The following MFNG variants were observed in gnomAD, a reference collection of about 807,000 sequenced individuals.
The protein encoded by MFNG is MFNG O-fucosylpeptide 3-beta-N-acetylglucosaminyltransferase.
A neutral mutation model predicts 34.2 loss-of-function variants in MFNG; 24 were observed. That is an observed-to-expected ratio of 0.70 (90% confidence interval 0.51 to 0.99). MFNG has a LOEUF of 0.99. Ranked by LOEUF, MFNG falls within the 50% of genes least tolerant of loss-of-function variation. MFNG has a pLI of 0.00. For missense variants in MFNG, 383 were observed against 424.0 expected, an observed-to-expected ratio of 0.90 and a Z score of 0.85; for synonymous variants, 158 against 179.2, an observed-to-expected ratio of 0.88 and a Z score of 0.94.
Position 37,482,205 on chromosome 22 carries a change from T to C in MFNG, c.256-1436A>G, listed in dbSNP as rs761082031. Among the ~76,000 whole-genome samples, 4 of 152,138 alleles carry C rather than the reference T, an allele frequency of 2.6e-5. No individual in the cohort carries two copies. The highest frequency in any genetic ancestry group is 4.4e-5 in the Non-Finnish European group (3 of 68,016). On this transcript the variant is annotated intron_variant, in intron 1 of 7. Transcript: ENST00000356998. This position sits in a 1 kb window ranked among gnomAD's most constrained non-coding sequence, Gnocchi z 4.1. ...CTCTCACTGGACTACTGCAAGACTCTGCCTCATTCCCTCAGATATGTTTCC... is the reference window on the plus strand; with the variant it reads ...CTCTCACTGGACTACTGCAAGACTCCGCCTCATTCCCTCAGATATGTTTCC...
rs2145728739 is a variant in MFNG at position 37,474,658 on chromosome 22, T to G, written c.667A>C (p.Thr223Pro). Residue 223 changes from threonine to proline, a missense_variant, in exon 6 of 8, where the codon ACA (threonine) becomes CCA (proline). By Grantham distance (38) the Thr-to-Pro change is conservative. Coordinates refer to ENST00000356998, the MANE Select transcript of MFNG (RefSeq NM_002405.4). ...PWASGSRFMD[T>P]SALIRLPDDC... ...TCAGGCAGCCGGATGAGAGCAGATG[T>G]GTCCATGAAACGGGAGCCACTGAGG... 1 of 1,605,950 alleles carries G rather than the reference T, an allele frequency of 6.2e-7. No homozygotes were observed. The highest frequency in any genetic ancestry group is 8.5e-7 in the Non-Finnish European group (1 of 1,175,134).
intron 7 of MFNG, among the ~76,000 whole-genome samples, chr22:37,471,267 C>G (rs2145724875): frequency 6.6e-6 from 1 of 152,316 alleles, no homozygotes; most frequent in East Asian, 1.9e-4. Flanking sequence ...TCCCCAGTTC[C>G]CAGACCCATT....
intron 4 of MFNG, among the ~76,000 whole-genome samples, chr22:37,478,109 G>C (rs530590872): frequency 6.6e-6 from 1 of 152,322 alleles, no homozygotes; most frequent in Non-Finnish European, 1.5e-5. Context: ...CAGAGCCCTA[G>C]GGCCCAGAAG....
Position 37,486,165 on chromosome 22 carries a change from GC to G in MFNG, c.12del (p.Leu5SerfsTer24). 6.3e-7 allele frequency: 1 copy of G among 1,578,424 alleles called. No homozygotes were observed. The highest frequency in any genetic ancestry group is 1.7e-4 in the Middle Eastern group (1 of 5,926). Reference protein sequence around the residue: MQCRLPRGLAGALL... With the variant: MQCXLPRGLAGALL... ...AGGGCTCCAGCCAGGCCCCGCGGGA[GC>G]CGGCACTGCATTGGTTGGCCCTGGG... On this transcript the variant is annotated frameshift_variant, in exon 1 of 8. Coordinates refer to ENST00000356998, the MANE Select transcript of MFNG (RefSeq NM_002405.4). LOFTEE classifies it high-confidence loss of function.
Position 37,479,602 on chromosome 22 carries a change from T to C in MFNG, c.408-104A>G, listed in dbSNP as rs1263061745. 7 of 1,407,000 alleles carry C rather than the reference T, an allele frequency of 5.0e-6. No individual in the cohort carries two copies. In the East Asian group the frequency reaches 1.7e-4, roughly 34 times the overall value. 87.2% of individuals were successfully genotyped at this position (1,407,000 alleles called of 1,614,324 possible). ...AACAGTGACGGAATGGGGGTAGGGG[T>C]GGGAGAGGCTGACATTTAAGGCATC... On this transcript the variant is annotated intron_variant, in intron 3 of 7. Transcript: ENST00000356998.
At chr22:37,471,260 CCA>C (rs1921788931) in intron 7 of MFNG, among the ~76,000 whole-genome samples, 1 of 152,210 alleles carries the variant, frequency 6.6e-6, no homozygotes, top group South Asian at 2.1e-4. Flanking sequence ...GGCTCCTTCC[CCA>C]GTTCCCAGAC....
At chr22:37,484,008 C>A (rs1922415351) in intron 1 of MFNG, among the ~76,000 whole-genome samples, 1 of 152,144 alleles carries the variant, frequency 6.6e-6, no homozygotes, top group Admixed American at 6.5e-5. Context: ...TCACAGGCAG[C>A]CGCGGGAAAC....
chr22:37,473,307 T>C (rs562888468), intron 6 of MFNG, among the ~76,000 whole-genome samples: 120 of 152,084 alleles, frequency 7.9e-4, no homozygotes, highest in African/African-American at 2.7e-3. Context: ...TGGGTGCCTG[T>C]AGTCCCAGCT....
Position 37,469,308 on chromosome 22 carries a change from A to G in MFNG, c.*655T>C, listed in dbSNP as rs1314765395. On this transcript the variant is annotated 3_prime_UTR_variant, in exon 8 of 8. Transcript: ENST00000356998. Reference sequence around the variant, plus strand: ...TCCCATGGTAGCCCCTAACAGCAAGAAAGGCTGGGAAATGAGCAAAAAGGA... The same window carrying G: ...TCCCATGGTAGCCCCTAACAGCAAGGAAGGCTGGGAAATGAGCAAAAAGGA... 6.2e-6 allele frequency: 1 copy of G among 162,398 alleles called. No individual in the cohort carries two copies. The highest frequency in any genetic ancestry group is 1.4e-5 in the Non-Finnish European group (1 of 73,836). The allele number at this position is 162,398 out of a possible 1,614,324, so 10.1% of individuals were successfully genotyped here. A position where few individuals can be genotyped will look rare whatever the true frequency, so the allele number is the denominator to read the frequency against.
intron 7 of MFNG, among the ~76,000 whole-genome samples, chr22:37,471,830 C>CAAAAAAAAAAAAA (rs913243094): frequency 2.8e-5 from 1 of 35,494 alleles, no homozygotes. Flanking sequence ...GGCTCCATCT[C>CAAAAAAAAAAAAA]AAAAAAAAAA....
chr22:37,480,253 T>A lies in MFNG; in HGVS notation c.351A>T (p.Pro117=), dbSNP rs1254677804. 6.2e-7 allele frequency: 1 copy of A among 1,613,676 alleles called. No homozygotes were observed. The highest frequency in any genetic ancestry group is 1.7e-5 in the Admixed American group (1 of 60,018). ...CAGCAGCCATCTTGCAGGACAGAGC[T>A]GGGTGGCTGTGTTCCGCGGAGCAGT... The part of the protein sequence containing the change: ...VTNCSAEHSH[P]ALSCKMAAEF... Residue 117 remains proline, a synonymous_variant, in exon 3 of 8, where the codon CCA becomes CCT. Coordinates refer to ENST00000356998, the MANE Select transcript of MFNG (RefSeq NM_002405.4).
At chr22:37,472,184 A>T (rs1196841510) in intron 7 of MFNG, among the ~76,000 whole-genome samples, 2 of 151,862 alleles carry the variant, frequency 1.3e-5, no homozygotes, top group African/African-American at 4.9e-5. Context: ...GGGCTGGGAG[A>T]GCTCTTCAGA....
chr22:37,470,130 G>T, intron 7 of MFNG, 101 bp from the exon 8 acceptor site: 1 of 836,140 alleles, frequency 1.2e-6, no homozygotes, highest in Non-Finnish European at 1.9e-6. Context: ...TTGGAGCAGG[G>T]TTTCTCTACC....
rs1359764484 is a variant in MFNG at position 37,472,644 on chromosome 22, C to A, written c.814-116G>T. On this transcript the variant is annotated intron_variant, in intron 6 of 7. Transcript: ENST00000356998. ...AGCTGCAGGGAAAGCTGCCCGGGAA[C>A]CTGAAATTCCCCGCTGGTGGTGGGA... The A allele has an allele frequency of 3.1e-6, 3 of 982,076 alleles. No individual in the cohort carries two copies. In the African/African-American group the frequency reaches 5.2e-5, roughly 17 times the overall value. 60.8% of individuals were successfully genotyped at this position (982,076 alleles called of 1,614,324 possible).
At chr22:37,474,738 C>G (rs980043286) in intron 5 of MFNG, 61 bp from the exon 6 acceptor site, 12 of 1,518,142 alleles carry the variant, frequency 7.9e-6, no homozygotes, top group African/African-American at 1.4e-5. Context: ...GAGCCGTGGG[C>G]CACCCCATGA....
intron 5 of MFNG, among the ~76,000 whole-genome samples, chr22:37,474,881 C>T (rs192723675): frequency 4.5e-4 from 69 of 152,342 alleles, no homozygotes; most frequent in African/African-American, 1.6e-3. Flanking sequence ...TGCTAATGGC[C>T]GTGTCTTCGT....
In MFNG at chr22:37,474,571, G is replaced by A. The variant is rs753006437; in HGVS notation, c.754C>T (p.Leu252Phe). The change falls in exon 6 of 8, where the codon CTC becomes TTC. Residue 252 changes from leucine (L) to phenylalanine (F), a missense_variant. Physicochemically the swap from Leu to Phe is conservative, Grantham distance 22 (BLOSUM62 0). Transcript: ENST00000356998. ...AGGGTCTCCAGGTGGGAGTGAAAGAGGGGGCTGGGCTGCAGGCGGCCGCCC... is the reference window on the plus strand; with the variant it reads ...AGGGTCTCCAGGTGGGAGTGAAAGAAGGGGCTGGGCTGCAGGCGGCCGCCC... ...KLGGRLQPSP[L>F]FHSHLETLQL... is the part of the protein sequence containing the mutation. The A allele has an allele frequency of 1.7e-5, 28 of 1,614,100 alleles. No individual in the cohort carries two copies. Among genetic ancestry groups the A allele is most frequent in the Non-Finnish European group, 2.1e-5 (25 of 1,180,036 alleles).
intron 7 of MFNG, 33 bp from the exon 8 acceptor site, chr22:37,470,062 A>G (rs761733806): frequency 1.3e-6 from 2 of 1,528,324 alleles, no homozygotes; most frequent in Admixed American, 1.8e-5. Flanking sequence ...CAGGATGGTC[A>G]CCCCCCACTT....
chr22:37,483,727 C>T lies in MFNG; in HGVS notation c.255+2196G>A, dbSNP rs1333703666. Among the ~76,000 whole-genome samples, 1 of 151,998 alleles carries T rather than the reference C, an allele frequency of 6.6e-6. No individual in the cohort carries two copies. Among genetic ancestry groups the T allele is most frequent in the South Asian group, 2.1e-4 (1 of 4,820 alleles). ...GGCGGAGGTTGCAGTGAGCCAGGAT[C>T]GTGCCACTGCACTCCAGCCTGGAAA... On this transcript the variant is annotated intron_variant, in intron 1 of 7. Transcript: ENST00000356998. This position sits in a 1 kb window ranked among gnomAD's most constrained non-coding sequence, Gnocchi z 4.5.
Sources: gnomAD v4.1 joint callset for allele counts (sites outside exome capture counted in the v4.1 genomes callset) on GRCh38, gnomAD v4.1.1 for gene constraint, Gnocchi (gnomAD v3.1) non-coding constraint, MANE v1.5 for transcripts, NCBI Gene and HGNC (gene_info 2026-07-23, HGNC 2026-07-21) for gene names.